TPP2: variants seen among roughly 807,000 people sequenced by gnomAD.
The protein encoded by TPP2 is tripeptidyl-peptidase 2.
In TPP2, 34 loss-of-function variants were observed where a neutral mutation model predicts 155.9. The ratio of observed to expected loss-of-function variants is 0.22; its 90% CI spans 0.17 to 0.29. TPP2 has a LOEUF of 0.29. TPP2 is among the 10% of genes least tolerant of loss of function. The pLI, the probability that TPP2 is intolerant of heterozygous loss-of-function variation, is 1.00. For missense variants in TPP2, 1,028 were observed against 1,522.3 expected (o/e 0.68, Z 5.40); for synonymous variants, 510 against 529.4 (o/e 0.96, Z 0.50).
At chr13:102,660,791 C>A (rs1363873241) in intron 25 of TPP2, among the ~76,000 whole-genome samples, 1 of 152,144 alleles carries the variant, frequency 6.6e-6, no homozygotes, top group African/African-American at 2.4e-5. Context: ...ATATATAGAT[C>A]AGTGGAATAG....
chr13:102,676,289 A>G lies in TPP2; in HGVS notation c.3580-7A>G, dbSNP rs752429398. ...ATAAACAAGCTTTATCATGTTTTAC[A>G]TTGTAGGTTTTGACATTTGCATATA... On this transcript the variant is annotated splice_region_variant and splice_polypyrimidine_tract_variant and intron_variant, in intron 28 of 29. Transcript: ENST00000376052. 5 of 1,587,128 alleles carry G rather than the reference A, an allele frequency of 3.2e-6. No homozygotes were observed. Among genetic ancestry groups the G allele is most frequent in the Non-Finnish European group, 3.4e-6 (4 of 1,163,344 alleles).
At chr13:102,656,090 T>A (rs760390423) in intron 24 of TPP2, among the ~76,000 whole-genome samples, 7 of 152,152 alleles carry the variant, frequency 4.6e-5, no homozygotes, top group African/African-American at 7.2e-5. Context: ...TAGGTTTGTT[T>A]CCTAACTTGT....
chr13:102,623,146 G>A (rs1881284175), intron 6 of TPP2, 106 bp downstream of exon 6: 13 of 1,195,974 alleles, frequency 1.1e-5, no homozygotes, highest in African/African-American at 4.6e-5. Flanking sequence ...GCTAGAGATC[G>A]TAGCTAAAGG....
intron 6 of TPP2, among the ~76,000 whole-genome samples, chr13:102,626,012 A>G (rs751039630): frequency 1.3e-3 from 192 of 152,362 alleles, no homozygotes; most frequent in Non-Finnish European, 2.1e-3. Context: ...CACAAGTTGT[A>G]CAACTCTTTG....
intron 16 of TPP2, 145 bp downstream of exon 16, chr13:102,640,521 A>G (rs1457014552): frequency 1.6e-6 from 1 of 614,030 alleles, no homozygotes. Flanking sequence ...GTAAAGTTCA[A>G]AACGTTTTTA....
At chr13:102,631,918 G>T (rs1356535763) in intron 10 of TPP2, among the ~76,000 whole-genome samples, 1 of 152,182 alleles carries the variant, frequency 6.6e-6, no homozygotes, top group Non-Finnish European at 1.5e-5. Flanking sequence ...TGACTTCCAG[G>T]CATTTGCACG....
chr13:102,601,250 A>G (rs554730749), intron 1 of TPP2, among the ~76,000 whole-genome samples: 2 of 152,314 alleles, frequency 1.3e-5, no homozygotes, highest in Admixed American at 6.5e-5. Flanking sequence ...TCACTGGTTA[A>G]TATTTATTAA....
chr13:102,626,616 T>C (rs1267741608), intron 6 of TPP2, among the ~76,000 whole-genome samples: 1 of 152,220 alleles, frequency 6.6e-6, no homozygotes, highest in African/African-American at 2.4e-5. Context: ...TTGTCAGCCT[T>C]TAATATTTTG....
chr13:102,609,392 CTTTTT>C (rs34845674), intron 2 of TPP2, among the ~76,000 whole-genome samples: 1 of 79,840 alleles, frequency 1.3e-5, no homozygotes, highest in Admixed American at 1.5e-4. Context: ...AAGTGCCATG[CTTTTT>C]TTTTTTTTTT....
chr13:102,644,304 C>T (rs942019661), intron 17 of TPP2, among the ~76,000 whole-genome samples: 15 of 152,096 alleles, frequency 9.9e-5, no homozygotes, highest in African/African-American at 9.7e-5. Context: ...TATGTGCTTT[C>T]AGAAGCTGCC....
At position 102,657,131 on chromosome 13, in the gene TPP2, G is replaced by T; in HGVS notation, c.3067G>T (p.Asp1023Tyr). The T allele has an allele frequency of 6.3e-7, 1 of 1,588,512 alleles. No homozygotes were observed. Among genetic ancestry groups the T allele is most frequent in the African/African-American group, 1.4e-5 (1 of 73,190 alleles). ...TKNGSKDKEKDSEKEKDLKEE... is the reference protein window; with the variant it reads ...TKNGSKDKEKYSEKEKDLKEE... The stretch of plus-strand genomic sequence containing the variant: ...GAATGGCAGCAAAGATAAGGAAAAA[G>T]ATTCAGAAAAAGAGAAAGATTTAAA... The change falls in exon 25 of 30, where the codon GAT becomes TAT. Residue 1023 changes from aspartate (D) to tyrosine (Y), a missense_variant. By Grantham distance (160) the Asp-to-Tyr change is radical. Around this residue, in one of 7 missense-constraint regions of TPP2, gnomAD observed 179 missense variants for 274.7 expected, o/e 0.65. Transcript: ENST00000376052.
Position 102,640,297 on chromosome 13 carries a change from A to G in TPP2, c.1941A>G (p.Leu647=). The stretch of plus-strand genomic sequence containing the variant: ...TAAATGAATCATCACATTATGATCT[A>G]GCCTTTACAGATGTACACTTTAAAC... ...AKVNESSHYD[L]AFTDVHFKPG... Residue 647 remains leucine (L), a synonymous_variant, in exon 16 of 30, where the codon CTA becomes CTG. Transcript: ENST00000376052. The G allele has an allele frequency of 6.2e-7, 1 of 1,612,302 alleles. No homozygotes were observed. The highest frequency in any genetic ancestry group is 8.5e-7 in the Non-Finnish European group (1 of 1,178,792).
chr13:102,671,984 C>T (rs1595223873), intron 27 of TPP2, among the ~76,000 whole-genome samples: 1 of 152,184 alleles, frequency 6.6e-6, no homozygotes, highest in African/African-American at 2.4e-5. Context: ...TTCCCTCGAA[C>T]TTGGAAATCC....
At chr13:102,668,229 A>C (rs1438212973) in intron 27 of TPP2, among the ~76,000 whole-genome samples, 2 of 152,168 alleles carry the variant, frequency 1.3e-5, no homozygotes, top group African/African-American at 4.8e-5. Flanking sequence ...AGATAAGAGA[A>C]TTTGGCTGCC....
At chr13:102,642,332 G>C (rs1398925890) in intron 16 of TPP2, among the ~76,000 whole-genome samples, 1 of 152,064 alleles carries the variant, frequency 6.6e-6, no homozygotes, top group Non-Finnish European at 1.5e-5. Context: ...GTAAATTAAA[G>C]AATACAAATC....
chr13:102,651,165 ACTT>A (rs1251595296), intron 23 of TPP2, among the ~76,000 whole-genome samples, 191 bp from the exon 24 acceptor site: 1 of 152,216 alleles, frequency 6.6e-6, no homozygotes. Context: ...ATATTTGAGT[ACTT>A]TTTCTTATGT....
At chr13:102,629,382 C>G in intron 8 of TPP2, 100 bp from the exon 9 acceptor site, 1 of 1,340,458 alleles carries the variant, frequency 7.5e-7, no homozygotes. Flanking sequence ...GTGGATGTAC[C>G]AAAATTTATG....
intron 25 of TPP2, among the ~76,000 whole-genome samples, chr13:102,662,165 C>A (rs991655862): frequency 6.6e-6 from 1 of 152,076 alleles, no homozygotes; most frequent in Admixed American, 6.5e-5. Flanking sequence ...ACAAAAAGAC[C>A]ATGTATTATA....
At chr13:102,654,423 A>G (rs1883711810) in intron 24 of TPP2, among the ~76,000 whole-genome samples, 1 of 152,196 alleles carries the variant, frequency 6.6e-6, no homozygotes, top group Admixed American at 6.5e-5. Context: ...ATGATAGTCT[A>G]AGGTTACTAG....
Sources: gnomAD v4.1 joint callset for allele counts (sites outside exome capture counted in the v4.1 genomes callset) on GRCh38, gnomAD v4.1.1 for gene constraint, gnomAD v4.1.1 regional missense constraint, MANE v1.5 for transcripts, NCBI Gene and HGNC (gene_info 2026-07-23, HGNC 2026-07-21) for gene names.